Variants in AMN observed in about 807,000 individuals in gnomAD.
AMN encodes protein amnionless.
AMN carries 40 observed loss-of-function variants against 49.1 expected under a neutral mutation model. The ratio of observed to expected loss-of-function variants is 0.81; its 90% CI spans 0.63 to 1.06. The LOEUF is 1.06. Ranked by LOEUF, AMN falls within the 50% of genes least tolerant of loss-of-function variation. The probability of loss-of-function intolerance (pLI) is 0.00; values close to 1 mark genes in which losing one functional copy is unlikely to be tolerated. For synonymous variants in AMN, 380 were observed against 313.3 expected (o/e 1.21, Z -2.25); for missense variants, 701 against 662.8 (o/e 1.06, Z -0.63).
chr14:102,924,086 T>C, intron 3 of AMN, 107 bp downstream of exon 3: 1 of 1,497,682 alleles, frequency 6.7e-7, no homozygotes, highest in Non-Finnish European at 9.3e-7. Context: ...ATGGAGGCAC[T>C]GCAGGACTGG....
rs994837555 is a variant in AMN at position 102,930,429 on chromosome 14, C to A, written c.1193C>A (p.Ala398Asp). Residue 398 changes from alanine (A) to aspartate (D), a missense_variant, in exon 11 of 12, where the codon GCC becomes GAC. Transcript: ENST00000299155. The part of the protein sequence containing the change: ...RLRWRRHEAA[A>D]PAGAPLGFRN... ...AGGTGGAGGAGGCACGAGGCGGCGG[C>A]CCCGGCTGGAGCGCCCCTCGGCTTC... 1 of 1,521,806 alleles carries A rather than the reference C, an allele frequency of 6.6e-7. No individual in the cohort carries two copies. The highest frequency in any genetic ancestry group is 8.8e-7 in the Non-Finnish European group (1 of 1,140,260). The allele number at this position is 1,521,806 out of a possible 1,614,324, so 94.3% of individuals were successfully genotyped here.
chr14:102,928,487 T>G lies in AMN; in HGVS notation c.269T>G (p.Val90Gly), dbSNP rs1431380139. 1 of 1,609,138 alleles carries G rather than the reference T, an allele frequency of 6.2e-7. No homozygotes were observed. The highest frequency in any genetic ancestry group is 1.7e-5 in the Admixed American group (1 of 59,870). Residue 90 changes from valine to glycine, a missense_variant, in exon 4 of 12, where the codon GTG becomes GGG. Val to Gly is a moderately radical substitution (Grantham distance 109). Transcript: ENST00000299155. ...ASGAGFGVSD[V>G]GSHLDCGAGE... ...GGAGCCGGATTCGGCGTCTCAGACGTGGGCTCGCACCTGGACTGTGGCGCG... is the reference window on the plus strand; with the variant it reads ...GGAGCCGGATTCGGCGTCTCAGACGGGGGCTCGCACCTGGACTGTGGCGCG...
At chr14:102,928,368 G>C (rs1445136789) in intron 3 of AMN, 58 bp from the exon 4 acceptor site, 1 of 1,466,878 alleles carries the variant, frequency 6.8e-7, no homozygotes, top group Non-Finnish European at 9.3e-7. Context: ...GGGGCGGGGT[G>C]GGCGCGGAGC....
chr14:102,928,356 T>TG lies in AMN; in HGVS notation c.208-65dup, dbSNP rs966197144. On this transcript the variant is annotated intron_variant, in intron 3 of 11. Transcript: ENST00000299155. ...GTCTCGGCTTCTCGTCCCAGGGGAC[T>TG]GGGGGCGGGGTGGGCGCGGAGCAGG... 2,784 of 1,415,792 alleles carry TG rather than the reference T, an allele frequency of 2.0e-3. 18 individuals are homozygous for TG. Among genetic ancestry groups the TG allele is most frequent in the Middle Eastern group, 5.0e-3 (24 of 4,760 alleles). The allele number at this position is 1,415,792 out of a possible 1,614,324, so 87.7% of individuals were successfully genotyped here.
chr14:102,923,900 G>GGACCC, intron 2 of AMN, 35 bp from the exon 3 acceptor site: 5 of 1,613,012 alleles, frequency 3.1e-6, no homozygotes, highest in Non-Finnish European at 4.2e-6. Flanking sequence ...GGTGGGGGTT[G>GGACCC]CTCCCGGCTC....
chr14:102,930,281 G>C lies in AMN; in HGVS notation c.1123G>C (p.Val375Leu), dbSNP rs759831593. ...VAAAVLLALL[V>L]LLVAPPLLRR... is the part of the protein sequence containing the mutation. ...GGCTGCCGTGCTGCTGGCGCTGCTG[G>C]TCCTGCTGGTGGCGCCGCCGCTGCT... The change falls in exon 10 of 12, where the codon GTC becomes CTC. Residue 375 changes from valine (V) to leucine (L), a missense_variant. Val to Leu is a conservative substitution (Grantham distance 32). Coordinates refer to ENST00000299155, the MANE Select transcript of AMN (RefSeq NM_030943.4). The C allele has an allele frequency of 8.0e-6, 11 of 1,380,248 alleles. No homozygotes were observed. The African/African-American group carries it at 1.7e-4, about 21-fold the overall frequency. 85.5% of individuals were successfully genotyped at this position (1,380,248 alleles called of 1,614,324 possible).
At chr14:102,923,897 GTT>G (rs1188844225) in intron 2 of AMN, 36 bp from the exon 3 acceptor site, 3 of 1,613,050 alleles carry the variant, frequency 1.9e-6, no homozygotes, top group Non-Finnish European at 2.5e-6. Context: ...CCCGGTGGGG[GTT>G]GCTCCCGGCT....
chr14:102,929,573 C>G (rs1030348310), intron 7 of AMN, 37 bp downstream of exon 7: 4 of 1,544,400 alleles, frequency 2.6e-6, no homozygotes. Context: ...GCTGGGAAGG[C>G]CTGGAGGACC....
intron 3 of AMN, among the ~76,000 whole-genome samples, chr14:102,926,570 CA>C (rs1035349101): frequency 6.8e-6 from 1 of 147,718 alleles, no homozygotes; most frequent in South Asian, 2.1e-4. Flanking sequence ...CCACCACCAC[CA>C]AAAAAACCCT....
chr14:102,922,732 G>C lies in AMN; in HGVS notation c.43+1G>C. On this transcript the variant is annotated splice_donor_variant, in intron 1 of 11. Coordinates refer to ENST00000299155, the MANE Select transcript of AMN (RefSeq NM_030943.4). LOFTEE classifies it high-confidence loss of function. The stretch of plus-strand genomic sequence containing the variant: ...GTCCTGCTGTGGCTGCAGCTCTGCG[G>C]TGAGCCGGGACCACACCGGTGCGGG... The C allele has an allele frequency of 6.3e-7, 1 of 1,587,202 alleles. No homozygotes were observed. Among genetic ancestry groups the C allele is most frequent in the Non-Finnish European group, 8.5e-7 (1 of 1,170,732 alleles).
Position 102,928,473 on chromosome 14 carries a change from C to T in AMN, c.255C>T (p.Phe85=). The change falls in exon 4 of 12, where the codon TTC becomes TTT. Residue 85 remains phenylalanine (F), a synonymous_variant. Coordinates refer to ENST00000299155, the MANE Select transcript of AMN (RefSeq NM_030943.4). ...GELVLASGAG[F]GVSDVGSHLD... is the part of the protein sequence containing the mutation. ...TCGTCCTGGCTTCAGGAGCCGGATT[C>T]GGCGTCTCAGACGTGGGCTCGCACC... 1 of 1,609,760 alleles carries T rather than the reference C, an allele frequency of 6.2e-7. No individual in the cohort carries two copies. Among genetic ancestry groups the T allele is most frequent in the Non-Finnish European group, 8.5e-7 (1 of 1,179,120 alleles).
Position 102,928,753 on chromosome 14 carries a change from C to T in AMN, c.296-5C>T. 1 of 1,606,370 alleles carries T rather than the reference C, an allele frequency of 6.2e-7. No homozygotes were observed. Among genetic ancestry groups the T allele is most frequent in the Non-Finnish European group, 8.5e-7 (1 of 1,179,040 alleles). ...CGTGGAGCTCAGGGATGTGCTCCGG[C>T]TCAGGCGAACCTGCCGTCTTCCGCG... On this transcript the variant is annotated splice_polypyrimidine_tract_variant and splice_region_variant and intron_variant, in intron 4 of 11. Transcript: ENST00000299155.
chr14:102,923,679 G>A, intron 1 of AMN, 32 bp from the exon 2 acceptor site: 1 of 1,575,588 alleles, frequency 6.3e-7, no homozygotes, highest in Non-Finnish European at 8.7e-7. Context: ...ATCCCGGAGA[G>A]CATCCCGGGC....
intron 3 of AMN, among the ~76,000 whole-genome samples, 155 bp from the exon 4 acceptor site, chr14:102,928,261 TTCCTCTGCCA>T (rs1211411238): frequency 6.6e-6 from 1 of 152,226 alleles, no homozygotes; most frequent in Non-Finnish European, 1.5e-5. Flanking sequence ...CCAGATCCGC[TTCCTCTGCCA>T]GCCTCAGCCA....
chr14:102,922,922 A>T, intron 1 of AMN, 191 bp downstream of exon 1: 1 of 785,320 alleles, frequency 1.3e-6, no homozygotes, highest in Non-Finnish European at 2.0e-6. Context: ...GTGCGCGGCC[A>T]GTGCATCGGG....
Position 102,930,043 on chromosome 14 carries a change from G to A in AMN, c.963G>A (p.Ala321=). The A allele has an allele frequency of 1.3e-6, 2 of 1,548,806 alleles. No individual in the cohort carries two copies. Among genetic ancestry groups the A allele is most frequent in the Non-Finnish European group, 1.7e-6 (2 of 1,147,298 alleles). ...LVENGPETGG[A]GRLARALLAD... ...AGAATGGGCCCGAGACAGGCGGAGC[G>A]GGGCGGCTGGCCCGGGCCCTCCTGG... Residue 321 remains alanine (A), a synonymous_variant, in exon 9 of 12, where the codon GCG becomes GCA. Coordinates refer to ENST00000299155, the MANE Select transcript of AMN (RefSeq NM_030943.4).
At chr14:102,925,819 C>A (rs1891174277) in intron 3 of AMN, among the ~76,000 whole-genome samples, 1 of 152,152 alleles carries the variant, frequency 6.6e-6, no homozygotes, top group African/African-American at 2.4e-5. Context: ...GCCGAATTCA[C>A]CCAGAGCCGC....
At position 102,929,247 on chromosome 14, in the gene AMN, G is replaced by T; in HGVS notation, c.640G>T (p.Gly214Cys). ...DCADPSGCVC[G>C]NAEAQPWICA... Reference sequence around the variant, plus strand: ...CGCGGACCCGTCGGGCTGCGTCTGCGGCAACGCGGAGGTGAGCGAGGCCGC... The same window carrying T: ...CGCGGACCCGTCGGGCTGCGTCTGCTGCAACGCGGAGGTGAGCGAGGCCGC... Residue 214 changes from glycine (G) to cysteine (C), a missense_variant, in exon 6 of 12, where the codon GGC becomes TGC. By Grantham distance (159) the Gly-to-Cys change is radical (BLOSUM62 -3). Transcript: ENST00000299155. The T allele has an allele frequency of 6.7e-7, 1 of 1,496,834 alleles. No individual in the cohort carries two copies. The highest frequency in any genetic ancestry group is 8.8e-7 in the Non-Finnish European group (1 of 1,133,514). The allele number at this position is 1,496,834 out of a possible 1,614,324, so 92.7% of individuals were successfully genotyped here.
chr14:102,923,658 G>A, intron 1 of AMN, 53 bp from the exon 2 acceptor site: 3 of 1,519,578 alleles, frequency 2.0e-6, no homozygotes, highest in Non-Finnish European at 2.7e-6. Flanking sequence ...GGCCTTCCCT[G>A]AGAAGGGAGC....
Sources: gnomAD v4.1 joint callset for allele counts (sites outside exome capture counted in the v4.1 genomes callset) on GRCh38, gnomAD v4.1.1 for gene constraint, MANE v1.5 for transcripts, NCBI Gene and HGNC (gene_info 2026-07-23, HGNC 2026-07-21) for gene names.